The following TMEM232 variants were observed in gnomAD, a reference collection of about 807,000 sequenced individuals.
TMEM232 encodes transmembrane protein 232.
TMEM232 carries 80 observed loss-of-function variants against 78.8 expected under a neutral mutation model. That is an observed-to-expected ratio of 1.01 (90% CI 0.85 to 1.22). The LOEUF is 1.22. Among genes scored for constraint, TMEM232 ranks in the 50% most tolerant of loss-of-function variants. The probability of loss-of-function intolerance (pLI) is 0.00; values close to 1 mark genes in which losing one functional copy is unlikely to be tolerated. For missense variants in TMEM232, 881 were observed against 742.2 expected, an observed-to-expected ratio of 1.19 and a Z score of -2.17; for synonymous variants, 297 against 254.3, an observed-to-expected ratio of 1.17 and a Z score of -1.60.
At chr5:110,719,222 T>C (rs1238236073) in intron 1 of TMEM232, among the ~76,000 whole-genome samples, 1 of 151,876 alleles carries the variant, frequency 6.6e-6, no homozygotes, top group Non-Finnish European at 1.5e-5. Flanking sequence ...TATATGTATA[T>C]ATGTGTATAT....
In TMEM232 at chr5:110,625,282, G is replaced by C. The variant is rs1220707090; in HGVS notation, c.753C>G (p.Asn251Lys). The change falls in exon 7 of 14, where the codon AAC becomes AAG. Residue 251 changes from asparagine to lysine, a missense_variant. Physicochemically the swap from Asn to Lys is moderately conservative, Grantham distance 94. Coordinates refer to ENST00000455884, the MANE Select transcript of TMEM232 (RefSeq NM_001039763.4). ...GATTACTCACCATATCAGAATCTGT[G>C]TTCTCATATCTTTTCTTATCTTCCA... ...RPVEDKKRYE[N>K]TDSDMGGYEI... The C allele has an allele frequency of 6.5e-7, 1 of 1,538,344 alleles. No homozygotes were observed. Among genetic ancestry groups the C allele is most frequent in the Non-Finnish European group, 8.8e-7 (1 of 1,141,104 alleles).
intron 11 of TMEM232, among the ~76,000 whole-genome samples, chr5:110,533,053 C>T (rs1362443308): frequency 6.6e-6 from 1 of 152,174 alleles, no homozygotes; most frequent in Admixed American, 6.5e-5. Flanking sequence ...GTCCTCAATA[C>T]CTTCCTCCAC....
intron 12 of TMEM232, among the ~76,000 whole-genome samples, chr5:110,450,684 G>A (rs1760173288): frequency 6.6e-6 from 1 of 152,118 alleles, no homozygotes; most frequent in African/African-American, 2.4e-5. Flanking sequence ...ACATACAACT[G>A]TACCAGTGCT....
chr5:110,442,962 C>T (rs1364600239), intron 12 of TMEM232, among the ~76,000 whole-genome samples: 4 of 152,138 alleles, frequency 2.6e-5, no homozygotes, highest in Non-Finnish European at 5.9e-5. Flanking sequence ...GCTAAGGCAC[C>T]TGGAACCAGG....
intron 11 of TMEM232, among the ~76,000 whole-genome samples, chr5:110,531,057 C>A (rs1474787387): frequency 1.3e-5 from 2 of 152,140 alleles, no homozygotes; most frequent in Non-Finnish European, 2.9e-5. Flanking sequence ...ATGACCTGTT[C>A]CTGCCTTAAC....
At chr5:110,461,096 G>A (rs911414850) in intron 12 of TMEM232, among the ~76,000 whole-genome samples, 6 of 151,900 alleles carry the variant, frequency 3.9e-5, no homozygotes, top group South Asian at 2.1e-4. Context: ...CCTTTCAATC[G>A]AAATCTAGAA....
intron 7 of TMEM232, among the ~76,000 whole-genome samples, chr5:110,620,265 T>C (rs1009382530): frequency 2.0e-5 from 3 of 152,206 alleles, no homozygotes; most frequent in African/African-American, 7.2e-5. Context: ...CCAGGTTATT[T>C]TGATCTCCTA....
intron 11 of TMEM232, among the ~76,000 whole-genome samples, chr5:110,561,438 GAATTA>G (rs1775733938): frequency 3.9e-5 from 6 of 151,912 alleles, no homozygotes; most frequent in Admixed American, 3.3e-4. Flanking sequence ...GGTTTTATGA[GAATTA>G]AATAATTAAT....
intron 12 of TMEM232, among the ~76,000 whole-genome samples, chr5:110,516,837 A>AT (rs909937173): frequency 4.6e-5 from 7 of 151,744 alleles, no homozygotes; most frequent in South Asian, 2.1e-4. Context: ...ACACAAGGAA[A>AT]TTTTTTTTGG....
At chr5:110,423,011 G>A (rs1044727215) in intron 13 of TMEM232, among the ~76,000 whole-genome samples, 1 of 152,092 alleles carries the variant, frequency 6.6e-6, no homozygotes, top group Non-Finnish European at 1.5e-5. Context: ...AATGTATAAG[G>A]TACCTTAATA....
At chr5:110,599,808 C>T (rs1306021723) in intron 10 of TMEM232, among the ~76,000 whole-genome samples, 2 of 152,104 alleles carry the variant, frequency 1.3e-5, no homozygotes, top group Non-Finnish European at 2.9e-5. Context: ...AGCTCTGGAC[C>T]AAGTGGACCT....
chr5:110,524,701 T>C (rs1770309843), intron 12 of TMEM232, among the ~76,000 whole-genome samples: 1 of 152,314 alleles, frequency 6.6e-6, no homozygotes, highest in Middle Eastern at 3.4e-3. Context: ...TGTTTGCTTA[T>C]TGTTCTTCTA....
intron 2 of TMEM232, among the ~76,000 whole-genome samples, chr5:110,653,261 T>A (rs952946436): frequency 1.3e-5 from 2 of 152,196 alleles, no homozygotes; most frequent in Non-Finnish European, 2.9e-5. Context: ...AACACTTCCA[T>A]GTCCTATAAT....
At chr5:110,605,522 T>A (rs1373097261) in intron 9 of TMEM232, among the ~76,000 whole-genome samples, 164 bp from the exon 10 acceptor site, 5 of 152,092 alleles carry the variant, frequency 3.3e-5, no homozygotes, top group Non-Finnish European at 7.4e-5. Context: ...AAAATACAGT[T>A]CAAAGAATAA....
intron 1 of TMEM232, among the ~76,000 whole-genome samples, chr5:110,680,271 G>A (rs1204615114): frequency 6.6e-6 from 1 of 151,882 alleles, no homozygotes; most frequent in Non-Finnish European, 1.5e-5. Context: ...GGTGGCACAT[G>A]CCTGTAATCC....
chr5:110,667,152 A>G, intron 2 of TMEM232, 76 bp downstream of exon 2: 1 of 1,169,156 alleles, frequency 8.6e-7, no homozygotes, highest in Non-Finnish European at 1.2e-6. Context: ...CTATGGGTGA[A>G]TTTTTTTTTT....
intron 12 of TMEM232, among the ~76,000 whole-genome samples, chr5:110,439,018 G>C (rs1001571616): frequency 6.6e-6 from 1 of 152,048 alleles, no homozygotes; most frequent in Non-Finnish European, 1.5e-5. Context: ...TATCTCAATT[G>C]AATAATTCTG....
chr5:110,634,713 G>A (rs1338487331), intron 5 of TMEM232, among the ~76,000 whole-genome samples: 2 of 151,948 alleles, frequency 1.3e-5, no homozygotes, highest in African/African-American at 4.8e-5. Context: ...GTTAAGAAGG[G>A]TGTTTATAGC....
At chr5:110,448,892 A>T (rs1459005953) in intron 12 of TMEM232, among the ~76,000 whole-genome samples, 1 of 152,022 alleles carries the variant, frequency 6.6e-6, no homozygotes, top group African/African-American at 2.4e-5. Flanking sequence ...GAGAAAATAC[A>T]CAGTAAAAAC....
Sources: gnomAD v4.1 joint callset for allele counts (sites outside exome capture counted in the v4.1 genomes callset) on GRCh38, gnomAD v4.1.1 for gene constraint, MANE v1.5 for transcripts, NCBI Gene and HGNC (gene_info 2026-07-23, HGNC 2026-07-21) for gene names.